Variants in UBE2J2 observed in about 807,000 individuals in gnomAD.
UBE2J2 encodes the protein ubiquitin conjugating enzyme E2 J2.
UBE2J2 carries 5 observed loss-of-function variants against 28.6 expected under a neutral mutation model. The ratio of observed to expected loss-of-function variants is 0.17; its 90% CI spans 0.09 to 0.37. UBE2J2 has a LOEUF of 0.37. UBE2J2 is among the 10% of genes least tolerant of loss of function. The pLI is 1.00. For synonymous variants in UBE2J2, 138 were observed against 139.7 expected, an observed-to-expected ratio of 0.99 and a Z score of 0.09; for missense variants, 226 against 338.9, an observed-to-expected ratio of 0.67 and a Z score of 2.62.
At chr1:1,272,474 C>A (rs1640202379) in intron 1 of UBE2J2, among the ~76,000 whole-genome samples, 1 of 152,230 alleles carries the variant, frequency 6.6e-6, no homozygotes, top group Non-Finnish European at 1.5e-5. Flanking sequence ...TGGCCTGACC[C>A]ATCGGCCAGG....
At chr1:1,264,194 G>A (rs952024305) in intron 2 of UBE2J2, among the ~76,000 whole-genome samples, 13 of 152,266 alleles carry the variant, frequency 8.5e-5, no homozygotes, top group African/African-American at 2.9e-4. Context: ...AGGAACTGCC[G>A]TGATTGTGTC....
At chr1:1,269,450 C>T (rs2100233312) in intron 1 of UBE2J2, among the ~76,000 whole-genome samples, 1 of 151,406 alleles carries the variant, frequency 6.6e-6, no homozygotes, top group South Asian at 2.1e-4. Flanking sequence ...CTAGCTCCAA[C>T]TCAAACCTTA....
chr1:1,262,530 ACT>A, intron 3 of UBE2J2: 1 of 325,286 alleles, frequency 3.1e-6, no homozygotes, highest in Non-Finnish European at 6.2e-6. Flanking sequence ...TAGCAGCAGC[ACT>A]CTCTTCTAGT....
chr1:1,268,048 T>A lies in UBE2J2; in HGVS notation c.1-56A>T. 4 of 1,595,846 alleles carry A rather than the reference T, an allele frequency of 2.5e-6. No homozygotes were observed. Among genetic ancestry groups the A allele is most frequent in the Non-Finnish European group, 2.6e-6 (3 of 1,169,254 alleles). ...AGAAGCAGCGCCGGCCACAGCTCTC[T>A]CCCCTGGCGCAGCCCCACTCCCGCC... On this transcript the variant is annotated intron_variant, in intron 1 of 6. Transcript: ENST00000349431. This position sits in a 1 kb window ranked among gnomAD's most constrained non-coding sequence, Gnocchi z 4.7.
intron 3 of UBE2J2, among the ~76,000 whole-genome samples, chr1:1,261,767 C>T (rs1639575975): frequency 6.6e-6 from 1 of 151,734 alleles, no homozygotes; most frequent in Non-Finnish European, 1.5e-5. Context: ...CTGCCTCAGC[C>T]TCCTGAGTAG....
chr1:1,258,871 G>A (rs1026867538), intron 3 of UBE2J2, among the ~76,000 whole-genome samples: 3 of 152,356 alleles, frequency 2.0e-5, no homozygotes. Flanking sequence ...AGGCCCACAC[G>A]CTGGCTGCCC....
intron 5 of UBE2J2, among the ~76,000 whole-genome samples, chr1:1,256,777 T>C (rs1453665851): frequency 3.3e-5 from 5 of 150,198 alleles, no homozygotes; most frequent in African/African-American, 1.2e-4. Flanking sequence ...TCCCAGCTAC[T>C]TGGGAGGCTG....
At chr1:1,257,660 G>A (rs776228325) in intron 3 of UBE2J2, among the ~76,000 whole-genome samples, 6 of 151,484 alleles carry the variant, frequency 4.0e-5, no homozygotes, top group African/African-American at 1.5e-4. Context: ...GGAGCAGAGG[G>A]GTCGGAAGAG....
At chr1:1,258,680 G>A (rs550415327) in intron 3 of UBE2J2, among the ~76,000 whole-genome samples, 2 of 152,254 alleles carry the variant, frequency 1.3e-5, no homozygotes, top group South Asian at 2.1e-4. Flanking sequence ...ACAGAAATCC[G>A]GCCACTTCCA....
chr1:1,266,963 A>T (rs1169950530), intron 2 of UBE2J2, among the ~76,000 whole-genome samples: 4 of 151,730 alleles, frequency 2.6e-5, no homozygotes, highest in Admixed American at 6.6e-5. Context: ...ATCTCAGCTC[A>T]CTGCAAGCTC....
intron 2 of UBE2J2, 173 bp downstream of exon 2, chr1:1,267,688 GA>G: frequency 7.0e-7 from 1 of 1,431,272 alleles, no homozygotes; most frequent in South Asian, 1.4e-5. Flanking sequence ...CGTCCATTGG[GA>G]AAAGACCAGA....
At chr1:1,259,754 A>G (rs1206165229) in intron 3 of UBE2J2, among the ~76,000 whole-genome samples, 2 of 152,024 alleles carry the variant, frequency 1.3e-5, no homozygotes, top group Non-Finnish European at 2.9e-5. Flanking sequence ...TGGACTGTGC[A>G]GCCACACCAC....
Position 1,266,141 on chromosome 1 carries a change from G to A in UBE2J2, c.131+1721C>T, listed in dbSNP as rs1321675503. 24 of 1,303,888 alleles carry A rather than the reference G, an allele frequency of 1.8e-5. No individual in the cohort carries two copies. In the East Asian group the frequency reaches 1.3e-3, roughly 69 times the overall value. 80.8% of individuals were successfully genotyped at this position (1,303,888 alleles called of 1,614,324 possible). A position where few individuals can be genotyped will look rare whatever the true frequency, so the allele number is the denominator to read the frequency against. ...GGCCACATGTGATTTTCAACACTGG[G>A]GGCAGAGAGCACTCTGGTGGCCAAG... On this transcript the variant is annotated intron_variant, in intron 2 of 6. Coordinates refer to ENST00000349431, the MANE Select transcript of UBE2J2 (RefSeq NM_058167.3).
chr1:1,259,026 CTGAG>C (rs929754413), intron 3 of UBE2J2, among the ~76,000 whole-genome samples: 15 of 147,832 alleles, frequency 1.0e-4, no homozygotes, highest in African/African-American at 2.5e-4. Flanking sequence ...GTGTGCGTGT[CTGAG>C]TGTGTGCATG....
chr1:1,256,882 T>A (rs1351340782), intron 5 of UBE2J2, 110 bp downstream of exon 5: 25 of 1,023,450 alleles, frequency 2.4e-5, no homozygotes, highest in Non-Finnish European at 3.1e-5. Flanking sequence ...CGAGACTCCG[T>A]CTCAAGAAAA....
At chr1:1,263,140 G>T in intron 3 of UBE2J2, 1 of 571,712 alleles carries the variant, frequency 1.7e-6, no homozygotes, top group South Asian at 2.0e-5. Flanking sequence ...GCTACAGGCG[G>T]CCCTGCAGGC....
At chr1:1,263,278 G>C (rs1639667578) in intron 3 of UBE2J2, 68 bp downstream of exon 3, 3 of 1,410,670 alleles carry the variant, frequency 2.1e-6, no homozygotes, top group Non-Finnish European at 3.0e-6. Flanking sequence ...AAAAGATGTT[G>C]AACAGGCAAG....
chr1:1,265,195 A>G (rs1296969531), intron 2 of UBE2J2, among the ~76,000 whole-genome samples: 3 of 151,994 alleles, frequency 2.0e-5, no homozygotes, highest in Non-Finnish European at 4.4e-5. Context: ...CCCATAGCGC[A>G]CCCCACAGGC....
chr1:1,262,872 C>A, intron 3 of UBE2J2: 1 of 177,540 alleles, frequency 5.6e-6, no homozygotes, highest in Non-Finnish European at 1.2e-5. Context: ...AGGTGCTGGA[C>A]AGGTCCTGCA....
Sources: gnomAD v4.1 joint callset for allele counts (sites outside exome capture counted in the v4.1 genomes callset) on GRCh38, gnomAD v4.1.1 for gene constraint, Gnocchi (gnomAD v3.1) non-coding constraint, MANE v1.5 for transcripts, NCBI Gene and HGNC (gene_info 2026-07-23, HGNC 2026-07-21) for gene names.